SLFN13: variants seen among roughly 807,000 people sequenced by gnomAD.
The protein encoded by SLFN13 is schlafen family member 13, also known as schlafen-13.
SLFN13 carries 43 observed loss-of-function variants against 50.6 expected under a neutral mutation model. That is an observed-to-expected ratio of 0.85 (90% CI 0.67 to 1.09). The LOEUF is 1.09. Ranked by LOEUF, SLFN13 falls within the 50% of genes least tolerant of loss-of-function variation. The pLI is 0.00. For synonymous variants in SLFN13, 339 were observed against 386.5 expected (o/e 0.88, Z 1.44); for missense variants, 881 against 1,071.1 (o/e 0.82, Z 2.48).
chr17:35,446,483 T>C (rs753263738), intron 2 of SLFN13, among the ~76,000 whole-genome samples: 14 of 152,232 alleles, frequency 9.2e-5, no homozygotes, highest in Non-Finnish European at 1.9e-4. Context: ...CATTTAGTAC[T>C]GTTATATTAG....
upstream of SLFN13, among the ~76,000 whole-genome samples, chr17:35,449,030 G>T (rs1913372952): frequency 7.0e-6 from 1 of 142,502 alleles, no homozygotes; most frequent in African/African-American, 2.7e-5. Context: ...ACAGCACAGT[G>T]GGACCCCCGT....
At position 35,445,582 on chromosome 17, in the gene SLFN13, CT is replaced by C; in HGVS notation, c.98del (p.Lys33SerfsTer22). ...CTTGGTCTCTCTGAGTTTTCTGTAG[CT>C]TTTTTCTGTTTTCTTCTCCCAGAGT... ...EVTLGEENRK[K>X]LQKTQRDQER... On this transcript the variant is annotated frameshift_variant, in exon 3 of 6. Transcript: ENST00000285013. LOFTEE classifies it high-confidence loss of function. The C allele has an allele frequency of 6.2e-7, 1 of 1,614,054 alleles. No individual in the cohort carries two copies. Among genetic ancestry groups the C allele is most frequent in the Non-Finnish European group, 8.5e-7 (1 of 1,179,998 alleles).
chr17:35,446,895 T>C (rs1913239860), intron 2 of SLFN13: 1 of 152,236 alleles, frequency 6.6e-6, no homozygotes, highest in Admixed American at 6.5e-5. Flanking sequence ...GATTCTGTCT[T>C]GCATTCCGAG....
In SLFN13 at chr17:35,441,161, A is replaced by G. The variant is rs1467472792; in HGVS notation, c.2128T>C (p.Leu710=). Residue 710 remains leucine, a synonymous_variant, in exon 6 of 6, where the codon TTG becomes CTG. Transcript: ENST00000285013. ...IFLDYFQTSH[L]GHSGLPPLSA... The stretch of plus-strand genomic sequence containing the variant: ...AGAGGGGGAAGGCCACTGTGACCCA[A>G]GTGACTGGTCTGAAAGTAGTCCAGA... 2 of 1,614,052 alleles carry G rather than the reference A, an allele frequency of 1.2e-6. No homozygotes were observed. Among genetic ancestry groups the G allele is most frequent in the East Asian group, 2.2e-5 (1 of 44,894 alleles).
chr17:35,448,630 A>T (rs1213123100), intron 1 of SLFN13, 92 bp downstream of exon 1: 1 of 152,310 alleles, frequency 6.6e-6, no homozygotes, highest in Non-Finnish European at 1.5e-5. Context: ...ATCCGAGTCA[A>T]CGCCAGTCCA....
intron 2 of SLFN13, chr17:35,446,995 T>C (rs1913244981): frequency 6.6e-6 from 1 of 152,234 alleles, no homozygotes; most frequent in Non-Finnish European, 1.5e-5. Context: ...TTTACCCCCA[T>C]GAACTTTATT....
chr17:35,439,702 C>A lies in SLFN13; in HGVS notation c.*893G>T, dbSNP rs1273644385. 3 of 152,166 alleles carry A rather than the reference C, an allele frequency of 2.0e-5. No homozygotes were observed. Among genetic ancestry groups the A allele is most frequent in the African/African-American group, 7.2e-5 (3 of 41,430 alleles). The allele number at this position is 152,166 out of a possible 1,614,324, so 9.4% of individuals were successfully genotyped here. A position where few individuals can be genotyped will look rare whatever the true frequency, so the allele number is the denominator to read the frequency against. ...ATGTTGGCCAGGCTGGTCTTGAACT[C>A]CTGACCTCAGGTGATCCACCTGCCT... On this transcript the variant is annotated 3_prime_UTR_variant, in exon 6 of 6. Coordinates refer to ENST00000285013, the MANE Select transcript of SLFN13 (RefSeq NM_144682.6).
Position 35,445,240 on chromosome 17 carries a change from T to G in SLFN13, c.441A>C (p.Ser147=). 1 of 1,614,012 alleles carries G rather than the reference T, an allele frequency of 6.2e-7. No homozygotes were observed. Among genetic ancestry groups the G allele is most frequent in the Non-Finnish European group, 8.5e-7 (1 of 1,180,018 alleles). ...RSGTSVLHMN[S]RQAFDFLKTK... is the part of the protein sequence containing the mutation. Reference sequence around the variant, plus strand: ...TCTTCAGGAAATCGAATGCCTGTCTTGAATTCATGTGAAGCACAGAGGTGC... The same window carrying G: ...TCTTCAGGAAATCGAATGCCTGTCTGGAATTCATGTGAAGCACAGAGGTGC... The change falls in exon 3 of 6, where the codon TCA becomes TCC. Residue 147 remains serine (S), a synonymous_variant. Transcript: ENST00000285013.
At position 35,445,708 on chromosome 17, in the gene SLFN13, A is replaced by G. The variant is rs772170079; in HGVS notation, c.-13-15T>C. Reference sequence around the variant, plus strand: ...TGAACTTGCACCTTAAAGTATTAGAATATTTGTTTCATTTTTGATTAAAAA... The same window carrying G: ...TGAACTTGCACCTTAAAGTATTAGAGTATTTGTTTCATTTTTGATTAAAAA... On this transcript the variant is annotated splice_polypyrimidine_tract_variant and intron_variant, in intron 2 of 5. Coordinates refer to ENST00000285013, the MANE Select transcript of SLFN13 (RefSeq NM_144682.6). 78 of 1,526,992 alleles carry G rather than the reference A, an allele frequency of 5.1e-5. No individual in the cohort carries two copies. Among genetic ancestry groups the G allele is most frequent in the Non-Finnish European group, 6.1e-5 (69 of 1,138,188 alleles). 94.6% of individuals were successfully genotyped at this position (1,526,992 alleles called of 1,614,324 possible).
At chr17:35,443,754 C>T (rs1913044201) in intron 4 of SLFN13, 35 bp downstream of exon 4, 3 of 1,592,800 alleles carry the variant, frequency 1.9e-6, no homozygotes, top group Non-Finnish European at 1.7e-6. Context: ...TAAATGACTT[C>T]CTTCTCTCCT....
intron 2 of SLFN13, chr17:35,447,064 C>T (rs1913249865): frequency 6.6e-6 from 1 of 152,144 alleles, no homozygotes; most frequent in Non-Finnish European, 1.5e-5. Context: ...ATGGCAACCC[C>T]ACCCATATCT....
At chr17:35,443,660 C>G in intron 4 of SLFN13, 129 bp downstream of exon 4, 1 of 957,760 alleles carries the variant, frequency 1.0e-6, no homozygotes, top group Non-Finnish European at 1.5e-6. Flanking sequence ...AAACTCATCC[C>G]CAAGAGGCTT....
intron 2 of SLFN13, chr17:35,447,057 G>T (rs922230791): frequency 1.3e-5 from 2 of 152,016 alleles, no homozygotes; most frequent in African/African-American, 4.8e-5. Context: ...TATTCAAATG[G>T]CAACCCCACC....
chr17:35,449,474 C>T (rs920470846), upstream of SLFN13, among the ~76,000 whole-genome samples: 1 of 152,138 alleles, frequency 6.6e-6, no homozygotes, highest in South Asian at 2.1e-4. Flanking sequence ...GCTTGGGCTT[C>T]TCTCCCCACT....
chr17:35,448,802 G>A (rs1913364150), upstream of SLFN13: 1 of 152,308 alleles, frequency 6.6e-6, no homozygotes, highest in Non-Finnish European at 1.5e-5. Context: ...ATAACCAATG[G>A]TTGGCGCCTA....
At position 35,440,388 on chromosome 17, in the gene SLFN13, G is replaced by C. The variant is rs1188799471; in HGVS notation, c.*207C>G. On this transcript the variant is annotated 3_prime_UTR_variant, in exon 6 of 6. Coordinates refer to ENST00000285013, the MANE Select transcript of SLFN13 (RefSeq NM_144682.6). ...GCTGCAAGAGTCAGGGGTCAGAATG[G>C]GGGGCAGCCACCACTGCTGAAAAGA... 1.8e-5 allele frequency: 11 copies of C among 623,916 alleles called. No individual in the cohort carries two copies. Among genetic ancestry groups the C allele is most frequent in the Non-Finnish European group, 2.5e-5 (9 of 361,370 alleles). 38.6% of individuals were successfully genotyped at this position (623,916 alleles called of 1,614,324 possible).
Position 35,444,791 on chromosome 17 carries a change from T to C in SLFN13, c.890A>G (p.Lys297Arg). 1 of 1,614,178 alleles carries C rather than the reference T, an allele frequency of 6.2e-7. No individual in the cohort carries two copies. The highest frequency in any genetic ancestry group is 8.5e-7 in the Non-Finnish European group (1 of 1,180,020). Residue 297 changes from lysine (K) to arginine (R), a missense_variant, in exon 3 of 6, where the codon AAA becomes AGA. By Grantham distance (26) the Lys-to-Arg change is conservative. Transcript: ENST00000285013. ...TTTCCCACAAAACACTTCTACGATT[T>C]TGGTGCTGTACTCTACCCGAGGTTT... ...SSKPRVEYST[K>R]IVEVFCGKEL... is the part of the protein sequence containing the mutation.
Position 35,435,170 on chromosome 17 carries a change from C to A in SLFN13, c.*5425G>T, listed in dbSNP as rs2142061102. 1 of 152,096 alleles carries A rather than the reference C, an allele frequency of 6.6e-6. No individual in the cohort carries two copies. Among genetic ancestry groups the A allele is most frequent in the African/African-American group, 2.4e-5 (1 of 41,520 alleles). The allele number at this position is 152,096 out of a possible 1,614,324, so 9.4% of individuals were successfully genotyped here. Reference sequence around the variant, plus strand: ...TAGAATACATATAAGGTATAAAGAACAAAAGTATGAACATCTGTGAACCCC... The same window carrying A: ...TAGAATACATATAAGGTATAAAGAAAAAAAGTATGAACATCTGTGAACCCC... On this transcript the variant is annotated 3_prime_UTR_variant, in exon 6 of 6. Transcript: ENST00000285013.
chr17:35,440,735 C>T lies in SLFN13; in HGVS notation c.2554G>A (p.Asp852Asn), dbSNP rs757228852. ...AGGCCTGAGAATCGCCGGACACTGTCCAACACAATGTGCACACCCAACATA... is the reference window on the plus strand; with the variant it reads ...AGGCCTGAGAATCGCCGGACACTGTTCAACACAATGTGCACACCCAACATA... ...CDMLGVHIVL[D>N]SVRRFSGLER... Residue 852 changes from aspartate (D) to asparagine (N), a missense_variant, in exon 6 of 6, where the codon GAC becomes AAC. Around this residue, in one of 5 missense-constraint regions of SLFN13, gnomAD observed 322 missense variants for 327.4 expected, o/e 0.98. Transcript: ENST00000285013. 3.7e-6 allele frequency: 6 copies of T among 1,614,028 alleles called. No homozygotes were observed. Among genetic ancestry groups the T allele is most frequent in the African/African-American group, 2.7e-5 (2 of 74,930 alleles).
Sources: gnomAD v4.1 joint callset for allele counts (sites outside exome capture counted in the v4.1 genomes callset) on GRCh38, gnomAD v4.1.1 for gene constraint, gnomAD v4.1.1 regional missense constraint, MANE v1.5 for transcripts, NCBI Gene and HGNC (gene_info 2026-07-23, HGNC 2026-07-21) for gene names.